SUSD5: variants seen among roughly 807,000 people sequenced by gnomAD.
SUSD5 encodes sushi domain containing 5.
SUSD5 carries 33 observed loss-of-function variants against 29.5 expected under a neutral mutation model. The observed-to-expected ratio is 1.12, with a 90% CI of 0.85 to 1.49. The LOEUF is 1.49. SUSD5 is among the 40% of genes most tolerant of loss of function. The probability of loss-of-function intolerance (pLI) is 0.00; values close to 1 mark genes in which losing one functional copy is unlikely to be tolerated. For missense variants in SUSD5, 776 were observed against 800.6 expected (o/e 0.97, Z 0.37); for synonymous variants, 308 against 325.3 (o/e 0.95, Z 0.57).
intron 2 of SUSD5, among the ~76,000 whole-genome samples, chr3:33,209,731 TTG>T (rs1454756132): frequency 4.6e-5 from 7 of 152,090 alleles, no homozygotes; most frequent in Non-Finnish European, 7.4e-5. Context: ...TATTTAAACT[TTG>T]AACTCCTTGG....
chr3:33,173,789 A>T (rs1401617282), intron 4 of SUSD5, among the ~76,000 whole-genome samples: 1 of 152,220 alleles, frequency 6.6e-6, no homozygotes, highest in African/African-American at 2.4e-5. Context: ...TGAGAGGAGC[A>T]CTGTGAGATA....
At chr3:33,202,478 T>C (rs892563970) in intron 3 of SUSD5, among the ~76,000 whole-genome samples, 6 of 151,956 alleles carry the variant, frequency 3.9e-5, no homozygotes, top group Non-Finnish European at 8.8e-5. Context: ...AATCATAAAG[T>C]ATGCAAGGGA....
chr3:33,200,699 G>C (rs34408570), intron 3 of SUSD5, among the ~76,000 whole-genome samples: 12,318 of 152,242 alleles, frequency 0.081, 689 homozygotes, highest in East Asian at 0.18. Flanking sequence ...ACAGAATGTT[G>C]GTAGGAACAT....
At chr3:33,194,278 C>A (rs1006126521) in intron 3 of SUSD5, among the ~76,000 whole-genome samples, 1 of 152,164 alleles carries the variant, frequency 6.6e-6, no homozygotes, top group African/African-American at 2.4e-5. Context: ...TTTTCAGAGG[C>A]TGATTTGAGT....
chr3:33,201,720 G>C (rs1404836655), intron 3 of SUSD5, among the ~76,000 whole-genome samples: 1 of 152,088 alleles, frequency 6.6e-6, no homozygotes, highest in East Asian at 1.9e-4. Context: ...CTACCCAACA[G>C]CTACTCAAGC....
chr3:33,181,004 A>T (rs1472374659), intron 3 of SUSD5, among the ~76,000 whole-genome samples: 1 of 150,724 alleles, frequency 6.6e-6, no homozygotes, highest in Non-Finnish European at 1.5e-5. Context: ...AATAATAATA[A>T]ATTTAAAAAA....
At chr3:33,177,176 CT>C (rs2031570501) in intron 3 of SUSD5, among the ~76,000 whole-genome samples, 1 of 152,138 alleles carries the variant, frequency 6.6e-6, no homozygotes, top group Non-Finnish European at 1.5e-5. Flanking sequence ...TGGTGATGAC[CT>C]TGAGAAGTAG....
At chr3:33,209,364 T>C (rs2032280520) in intron 2 of SUSD5, among the ~76,000 whole-genome samples, 1 of 152,138 alleles carries the variant, frequency 6.6e-6, no homozygotes, top group African/African-American at 2.4e-5. Context: ...TTACTTTTAT[T>C]CTATTTTCTT....
intron 4 of SUSD5, among the ~76,000 whole-genome samples, chr3:33,163,165 G>A (rs1002828145): frequency 2.6e-5 from 4 of 151,936 alleles, no homozygotes; most frequent in Non-Finnish European, 5.9e-5. Flanking sequence ...AGAGAAAGAG[G>A]AAATACTTCC....
intron 4 of SUSD5, among the ~76,000 whole-genome samples, chr3:33,168,064 A>G (rs2031342332): frequency 6.6e-6 from 1 of 152,254 alleles, no homozygotes; most frequent in Non-Finnish European, 1.5e-5. Flanking sequence ...ACAGAAAGTC[A>G]TACGTCAGGA....
intron 1 of SUSD5, among the ~76,000 whole-genome samples, chr3:33,217,922 C>G (rs921190213): frequency 6.6e-6 from 1 of 152,182 alleles, no homozygotes; most frequent in African/African-American, 2.4e-5. Context: ...AATATGAAAA[C>G]ACAGCTGAAT....
intron 4 of SUSD5, among the ~76,000 whole-genome samples, chr3:33,158,258 A>T (rs1414434214): frequency 2.0e-5 from 3 of 152,210 alleles, no homozygotes; most frequent in Non-Finnish European, 4.4e-5. Context: ...TTGTACCCAT[A>T]GTCTCTCATA....
chr3:33,185,515 A>C (rs897653185), intron 3 of SUSD5, among the ~76,000 whole-genome samples: 2 of 152,070 alleles, frequency 1.3e-5, no homozygotes, highest in Non-Finnish European at 1.5e-5. Flanking sequence ...GTTTCTTCCA[A>C]TTGTTCTGCT....
At chr3:33,201,842 CCT>C (rs2032122846) in intron 3 of SUSD5, among the ~76,000 whole-genome samples, 2 of 152,286 alleles carry the variant, frequency 1.3e-5, no homozygotes, top group South Asian at 4.1e-4. Context: ...CCTTGCTACC[CCT>C]GTTCTTCCTG....
At chr3:33,173,351 G>A (rs766186852) in intron 4 of SUSD5, among the ~76,000 whole-genome samples, 3 of 152,220 alleles carry the variant, frequency 2.0e-5, no homozygotes, top group Non-Finnish European at 4.4e-5. Flanking sequence ...TACTCCATGG[G>A]CAGCAATTCT....
intron 3 of SUSD5, among the ~76,000 whole-genome samples, chr3:33,199,651 T>C (rs1250122867): frequency 2.6e-5 from 4 of 152,232 alleles, no homozygotes; most frequent in Admixed American, 2.6e-4. Context: ...AGAAGATTTT[T>C]CATGTCATAG....
rs368821108 is a variant in SUSD5, at chr3:33,153,950, G to A, written c.682C>T (p.Arg228Trp). 20 of 1,613,830 alleles carry A rather than the reference G, an allele frequency of 1.2e-5. No homozygotes were observed. The highest frequency in any genetic ancestry group is 2.2e-5 in the South Asian group (2 of 91,070). Reference sequence around the variant, plus strand: ...CCCCTGTCCTCATCTGCCTCTGTCCGGGAATCCTCCATGAGCTCTCTGAAT... The same window carrying A: ...CCCCTGTCCTCATCTGCCTCTGTCCAGGAATCCTCCATGAGCTCTCTGAAT... ...VSFRELMEDS[R>W]TEADEDRGQG... The change falls in exon 5 of 5, where the codon CGG becomes TGG. Residue 228 changes from arginine to tryptophan, a missense_variant. Transcript: ENST00000309558.
intron 3 of SUSD5, among the ~76,000 whole-genome samples, chr3:33,178,435 G>GT (rs140737411): frequency 0.28 from 40,729 of 147,236 alleles, 5,890 homozygotes; most frequent in Middle Eastern, 0.39. Flanking sequence ...TTGGTCTGTA[G>GT]TTTTTTTTTT....
In SUSD5 at chr3:33,218,782, G is replaced by A; in HGVS notation, c.16C>T (p.Pro6Ser). Reference protein sequence around the residue: MTAEGPSPPARWHRRL... With the variant: MTAEGSSPPARWHRRL... ...CTGTGCCAACGGGCAGGCGGGCTGG[G>A]TCCCTCGGCAGTCATGGTCCGGGAG... is the stretch of plus-strand genomic sequence containing the variant. Residue 6 changes from proline (P) to serine (S), a missense_variant, in exon 1 of 5, where the codon CCC becomes TCC. Coordinates refer to ENST00000309558, the MANE Select transcript of SUSD5 (RefSeq NM_015551.2). 6.9e-7 allele frequency: 1 copy of A among 1,443,586 alleles called. No homozygotes were observed. The highest frequency in any genetic ancestry group is 9.1e-7 in the Non-Finnish European group (1 of 1,104,550). 89.4% of individuals were successfully genotyped at this position (1,443,586 alleles called of 1,614,324 possible). A position where few individuals can be genotyped will look rare whatever the true frequency, so the allele number is the denominator to read the frequency against.
Sources: gnomAD v4.1 joint callset for allele counts (sites outside exome capture counted in the v4.1 genomes callset) on GRCh38, gnomAD v4.1.1 for gene constraint, MANE v1.5 for transcripts, NCBI Gene and HGNC (gene_info 2026-07-23, HGNC 2026-07-21) for gene names.